The following SLC28A3 variants were observed in gnomAD, a reference collection of about 807,000 sequenced individuals.
SLC28A3 encodes concentrative Na(+)-nucleoside cotransporter 3.
In SLC28A3, 68 loss-of-function variants were observed where a neutral mutation model predicts 84.2. That is an observed-to-expected ratio of 0.81 (90% CI 0.66 to 0.99). SLC28A3 has a LOEUF of 0.99. SLC28A3 is among the 50% of genes least tolerant of loss of function. The pLI is 0.00. For missense variants in SLC28A3, 712 were observed against 841.5 expected, an observed-to-expected ratio of 0.85 and a Z score of 1.90; for synonymous variants, 267 against 303.6, an observed-to-expected ratio of 0.88 and a Z score of 1.25.
chr9:84,341,484 C>T (rs986401984), upstream of SLC28A3, among the ~76,000 whole-genome samples: 2 of 152,022 alleles, frequency 1.3e-5, no homozygotes, highest in South Asian at 2.1e-4. Context: ...GCTCTTCTTC[C>T]GAACAACTCA....
At chr9:84,347,461 G>C in the SLC28A3 span, among the ~76,000 whole-genome samples, 3 of 152,102 alleles carry the variant, frequency 2.0e-5, no homozygotes, top group African/African-American at 7.2e-5. Context: ...GTCTTGTCAA[G>C]AGCCCAGTTC....
intron 1 of SLC28A3, among the ~76,000 whole-genome samples, chr9:84,334,819 ACCT>A (rs1826913129): frequency 6.6e-6 from 1 of 151,524 alleles, no homozygotes. Flanking sequence ...GTCACCAGTA[ACCT>A]CCTAGCTGGC....
chr9:84,329,320 GGTCA>G (rs1406529140), intron 1 of SLC28A3, among the ~76,000 whole-genome samples: 2 of 152,088 alleles, frequency 1.3e-5, no homozygotes, highest in South Asian at 4.1e-4. Flanking sequence ...CTAGAGAGAT[GGTCA>G]GTAAGAAAAT....
At chr9:84,363,185 A>G in the SLC28A3 span, among the ~76,000 whole-genome samples, 1 of 149,078 alleles carries the variant, frequency 6.7e-6, no homozygotes, top group Non-Finnish European at 1.5e-5. Context: ...TAGTATGTAA[A>G]TAAAGAAGAA....
Position 84,285,940 on chromosome 9 carries a change from T to A in SLC28A3, c.1449+3A>T. 1 of 1,612,656 alleles carries A rather than the reference T, an allele frequency of 6.2e-7. No homozygotes were observed. The highest frequency in any genetic ancestry group is 1.7e-4 in the Middle Eastern group (1 of 6,058). On this transcript the variant is annotated splice_donor_region_variant and intron_variant, in intron 13 of 17. Transcript: ENST00000376238. ...AGAGGGCAGGGGCGTGATGTGATTA[T>A]ACCTCAAAACTCAGCTGTGGGTAGT...
At chr9:84,294,167 A>T in intron 9 of SLC28A3, 28 bp downstream of exon 9, 1 of 1,610,824 alleles carries the variant, frequency 6.2e-7, no homozygotes, top group South Asian at 1.1e-5. Context: ...CTCTACACCT[A>T]TAACCCAGTC....
chr9:84,354,072 A>T, the SLC28A3 span, among the ~76,000 whole-genome samples: 1 of 152,210 alleles, frequency 6.6e-6, no homozygotes, highest in Admixed American at 6.5e-5. Flanking sequence ...CTCTCACCTC[A>T]TCTTGTTCTC....
At chr9:84,309,154 C>T (rs1825895810) in intron 3 of SLC28A3, among the ~76,000 whole-genome samples, 1 of 152,050 alleles carries the variant, frequency 6.6e-6, no homozygotes, top group Admixed American at 6.6e-5. Flanking sequence ...ATTAATTTTT[C>T]TGGAAGGGGT....
At chr9:84,336,376 T>C (rs763309192) in intron 1 of SLC28A3, among the ~76,000 whole-genome samples, 2 of 152,132 alleles carry the variant, frequency 1.3e-5, no homozygotes, top group Non-Finnish European at 2.9e-5. Flanking sequence ...TGGTGGCATA[T>C]GCCTGTAAAC....
the SLC28A3 span, among the ~76,000 whole-genome samples, chr9:84,359,146 C>T: frequency 6.6e-6 from 1 of 152,132 alleles, no homozygotes; most frequent in African/African-American, 2.4e-5. Flanking sequence ...TTTTGATCTC[C>T]GGTTGCCACC....
chr9:84,290,428 T>C, intron 10 of SLC28A3, 149 bp from the exon 11 acceptor site: 1 of 946,676 alleles, frequency 1.1e-6, no homozygotes, highest in Non-Finnish European at 1.5e-6. Context: ...ACCTGGAAAC[T>C]CGTTAGAAAT....
chr9:84,288,181 G>A lies in SLC28A3; in HGVS notation c.1150-3C>T. On this transcript the variant is annotated splice_region_variant and splice_polypyrimidine_tract_variant and intron_variant, in intron 11 of 17. Coordinates refer to ENST00000376238, the MANE Select transcript of SLC28A3 (RefSeq NM_001199633.2). The stretch of plus-strand genomic sequence containing the variant: ...GTTAACAAGTGGGAGGATGGAACCT[G>A]CAATTTCAGAAGAAAGAAGGCAAAC... The A allele has an allele frequency of 6.2e-7, 1 of 1,613,832 alleles. No individual in the cohort carries two copies. Among genetic ancestry groups the A allele is most frequent in the East Asian group, 2.2e-5 (1 of 44,868 alleles).
rs754587404 is a variant in SLC28A3, at chr9:84,294,156, G to T, written c.942+39C>A. On this transcript the variant is annotated intron_variant, in intron 9 of 17. Coordinates refer to ENST00000376238, the MANE Select transcript of SLC28A3 (RefSeq NM_001199633.2). ...GAGGACTTCGTGCCTGAGATAATCA[G>T]CTCTACACCTATAACCCAGTCCCTC... The T allele has an allele frequency of 3.7e-6, 6 of 1,600,930 alleles. No individual in the cohort carries two copies. In the South Asian group the frequency reaches 5.5e-5, roughly 15 times the overall value.
In SLC28A3 at chr9:84,340,740, G is replaced by A. The variant is rs761691464; in HGVS notation, c.-107C>T. On this transcript the variant is annotated 5_prime_UTR_variant, in exon 1 of 18. Coordinates refer to ENST00000376238, the MANE Select transcript of SLC28A3 (RefSeq NM_001199633.2). The stretch of plus-strand genomic sequence containing the variant: ...GCCACCTGCTGTTACAGGGACCTGG[G>A]CACAGCTTGCTTCAGTTTGGAAACT... 6.5e-4 allele frequency: 826 copies of A among 1,264,518 alleles called. 2 individuals carry two copies. Among genetic ancestry groups the A allele is most frequent in the Non-Finnish European group, 8.6e-4 (757 of 882,128 alleles). The allele number at this position is 1,264,518 out of a possible 1,614,324, so 78.3% of individuals were successfully genotyped here. A position where few individuals can be genotyped will look rare whatever the true frequency, so the allele number is the denominator to read the frequency against.
chr9:84,286,209 C>T (rs557319677), intron 12 of SLC28A3, 98 bp from the exon 13 acceptor site: 2 of 1,213,940 alleles, frequency 1.6e-6, no homozygotes, highest in African/African-American at 1.5e-5. Context: ...AGATAAGAGA[C>T]AAACTCTAAG....
chr9:84,367,165 A>C, the SLC28A3 span, among the ~76,000 whole-genome samples: 1 of 152,040 alleles, frequency 6.6e-6, no homozygotes, highest in African/African-American at 2.4e-5. Context: ...CCACCACCGC[A>C]GGCCACGGGG....
intron 14 of SLC28A3, among the ~76,000 whole-genome samples, chr9:84,282,992 T>C (rs536855169): frequency 6.6e-6 from 1 of 151,532 alleles, no homozygotes; most frequent in Admixed American, 6.6e-5. Context: ...CTGGAAAAGC[T>C]GTCCTTGTTC....
At position 84,305,315 on chromosome 9, in the gene SLC28A3, A is replaced by T. The variant is rs756621731; in HGVS notation, c.273T>A (p.Cys91Ter). 6.2e-7 allele frequency: 1 copy of T among 1,613,504 alleles called. No individual in the cohort carries two copies. Among genetic ancestry groups the T allele is most frequent in the Non-Finnish European group, 8.5e-7 (1 of 1,179,902 alleles). The change falls in exon 4 of 18, where the codon TGT becomes TGA. Residue 91 changes from cysteine (C) to a stop codon, truncating the protein, a stop_gained. Transcript: ENST00000376238. LOFTEE classifies it high-confidence loss of function. ...TTGTTTTGTGTTTCCTACAGAAACC[A>T]CATACTGTGTCATACCTCCTTTCCA... ...GCLERRYDTV[C>*]GFCRKHKTTL...
At chr9:84,330,477 T>A (rs557985782) in intron 1 of SLC28A3, among the ~76,000 whole-genome samples, 436 of 152,288 alleles carry the variant, frequency 2.9e-3, no homozygotes, top group Middle Eastern at 0.014. Context: ...AGAATAACCA[T>A]CAGTGGCAAG....
Sources: allele counts gnomAD v4.1 joint callset (sites outside exome capture counted in the v4.1 genomes callset), GRCh38; gene constraint gnomAD v4.1.1; transcripts MANE v1.5; gene names NCBI Gene and HGNC (gene_info 2026-07-23, HGNC 2026-07-21).